NTM: variants seen among roughly 807,000 people sequenced by gnomAD.
The protein encoded by NTM is IgLON family member 2.
Under a neutral mutation model 42.1 loss-of-function variants are expected in NTM, and 13 were observed. That is an observed-to-expected ratio of 0.31 (90% CI 0.20 to 0.49). NTM has a LOEUF of 0.49. Among genes scored for constraint, NTM ranks in the 20% least tolerant of loss-of-function variants. The probability of loss-of-function intolerance (pLI) is 0.99; values close to 1 mark genes in which losing one functional copy is unlikely to be tolerated. For missense variants in NTM, 373 were observed against 452.8 expected (o/e 0.82, Z 1.60); for synonymous variants, 187 against 179.2 (o/e 1.04, Z -0.35).
At chr11:131,426,523 AG>A (rs1948150396) in intron 1 of NTM, among the ~76,000 whole-genome samples, 2 of 152,232 alleles carry the variant, frequency 1.3e-5, no homozygotes, top group African/African-American at 4.8e-5. Flanking sequence ...AATTTGCTAA[AG>A]GTCTGCGAAA....
chr11:131,766,611 A>G (rs1299764521), intron 1 of NTM, among the ~76,000 whole-genome samples: 1 of 152,014 alleles, frequency 6.6e-6, no homozygotes, highest in African/African-American at 2.4e-5. Context: ...CATTTGTACA[A>G]TTATCAACCG....
At chr11:131,583,145 C>G (rs1306079849) in intron 1 of NTM, among the ~76,000 whole-genome samples, 1 of 152,142 alleles carries the variant, frequency 6.6e-6, no homozygotes, top group Non-Finnish European at 1.5e-5. Flanking sequence ...GTCCTCAGTA[C>G]CAACAGAGCA....
intron 4 of NTM, among the ~76,000 whole-genome samples, chr11:132,288,491 A>T (rs1418212555): frequency 6.6e-6 from 1 of 152,274 alleles, no homozygotes; most frequent in African/African-American, 2.4e-5. Flanking sequence ...TAATGCATAC[A>T]TCAATTCATG....
chr11:132,174,862 G>C (rs2076575424), intron 3 of NTM, among the ~76,000 whole-genome samples: 1 of 152,064 alleles, frequency 6.6e-6, no homozygotes, highest in South Asian at 2.1e-4. Context: ...TGTTGCTCTG[G>C]AGAGAGAGGT....
chr11:132,083,319 G>A (rs777251566), intron 2 of NTM, among the ~76,000 whole-genome samples: 2 of 152,216 alleles, frequency 1.3e-5, no homozygotes, highest in African/African-American at 2.4e-5. Context: ...AATAGTGATA[G>A]GACTGAGTTG....
intron 1 of NTM, chr11:131,911,355 C>T: frequency 1.3e-6 from 2 of 1,527,490 alleles, no homozygotes; most frequent in Non-Finnish European, 1.8e-6. Flanking sequence ...CTCCCCGCGC[C>T]TCCCGGTCGC....
chr11:131,678,802 G>A (rs1040311437), intron 1 of NTM, among the ~76,000 whole-genome samples: 9 of 152,132 alleles, frequency 5.9e-5, no homozygotes, highest in African/African-American at 2.2e-4. Flanking sequence ...CGCTCCGTGT[G>A]AAGCAGAGGC....
chr11:131,431,356 C>G (rs1948637310), intron 1 of NTM, among the ~76,000 whole-genome samples: 1 of 152,208 alleles, frequency 6.6e-6, no homozygotes. Context: ...CCTTAGACCC[C>G]TCACATACTT....
intron 1 of NTM, among the ~76,000 whole-genome samples, chr11:131,372,793 A>ATTT (rs10694098): frequency 1.3e-5 from 2 of 150,790 alleles, no homozygotes; most frequent in Admixed American, 6.6e-5. Flanking sequence ...AGCATACGTG[A>ATTT]TTTTTTTTTT....
intron 3 of NTM, among the ~76,000 whole-genome samples, chr11:132,210,649 T>C (rs1386400882): frequency 6.6e-6 from 1 of 152,150 alleles, no homozygotes; most frequent in African/African-American, 2.4e-5. Context: ...AAATATCACA[T>C]GTTTACTAGT....
intron 1 of NTM, among the ~76,000 whole-genome samples, chr11:131,607,713 C>T (rs1025105011): frequency 6.6e-6 from 1 of 152,102 alleles, no homozygotes; most frequent in African/African-American, 2.4e-5. Flanking sequence ...TTTCATGTAG[C>T]ATTTATTAAA....
At chr11:131,779,677 C>A (rs2135993720) in intron 1 of NTM, among the ~76,000 whole-genome samples, 1 of 152,190 alleles carries the variant, frequency 6.6e-6, no homozygotes, top group East Asian at 1.9e-4. Context: ...GCAGGGGAGA[C>A]ACAAGAAAAG....
intron 2 of NTM, among the ~76,000 whole-genome samples, chr11:132,074,042 A>C (rs1198833989): frequency 6.6e-6 from 1 of 152,200 alleles, no homozygotes; most frequent in Admixed American, 6.5e-5. Context: ...ATGAGTCTTG[A>C]AATGTCACAG....
chr11:131,507,231 G>A (rs2047593607), intron 1 of NTM, among the ~76,000 whole-genome samples: 1 of 152,100 alleles, frequency 6.6e-6, no homozygotes, highest in Non-Finnish European at 1.5e-5. Context: ...ATTGATTTTT[G>A]TATAAGGTGT....
intron 1 of NTM, among the ~76,000 whole-genome samples, chr11:131,619,798 T>A (rs559800706): frequency 6.6e-6 from 1 of 151,756 alleles, no homozygotes; most frequent in East Asian, 1.9e-4. Context: ...GGGGGTAACA[T>A]CTACCGCTAA....
At chr11:132,152,740 G>A (rs775308390) in intron 3 of NTM, among the ~76,000 whole-genome samples, 12 of 152,338 alleles carry the variant, frequency 7.9e-5, no homozygotes, top group South Asian at 2.1e-4. Context: ...AGAAAGGCTA[G>A]AGCACATTTC....
At chr11:131,897,290 A>C (rs2052457386) in intron 1 of NTM, among the ~76,000 whole-genome samples, 1 of 152,208 alleles carries the variant, frequency 6.6e-6, no homozygotes, top group Non-Finnish European at 1.5e-5. Context: ...GGAAAGAAAA[A>C]AAGCAAGAGA....
At chr11:131,453,523 C>G (rs1398814599) in intron 1 of NTM, among the ~76,000 whole-genome samples, 1 of 144,206 alleles carries the variant, frequency 6.9e-6, no homozygotes, top group Non-Finnish European at 1.5e-5. Context: ...GCGACAAGTA[C>G]AACGGAAAGA....
chr11:132,156,639 C>T (rs1362199081), intron 3 of NTM, among the ~76,000 whole-genome samples: 2 of 152,174 alleles, frequency 1.3e-5, no homozygotes, highest in African/African-American at 4.8e-5. Flanking sequence ...GATAATCTAT[C>T]TGTAAAGTTT....
Sources: gnomAD v4.1 joint callset for allele counts (sites outside exome capture counted in the v4.1 genomes callset) on GRCh38, gnomAD v4.1.1 for gene constraint, MANE v1.5 for transcripts, NCBI Gene and HGNC (gene_info 2026-07-23, HGNC 2026-07-21) for gene names.